The following GPC5 variants were observed in gnomAD, a reference collection of about 807,000 sequenced individuals.
The protein encoded by GPC5 is glypican-5.
A neutral mutation model predicts 53.9 loss-of-function variants in GPC5; 47 were observed. That is an observed-to-expected ratio of 0.87 (90% CI 0.69 to 1.11). GPC5 has a LOEUF of 1.11. GPC5 is among the 50% of genes most tolerant of loss of function. The pLI, the probability that GPC5 is intolerant of heterozygous loss-of-function variation, is 0.00. For synonymous variants in GPC5, 286 were observed against 263.3 expected (o/e 1.09, Z -0.84); for missense variants, 748 against 713.1 (o/e 1.05, Z -0.56).
At chr13:92,741,060 A>T (rs1352251069) in intron 7 of GPC5, among the ~76,000 whole-genome samples, 2 of 150,444 alleles carry the variant, frequency 1.3e-5, no homozygotes, top group African/African-American at 4.9e-5. Flanking sequence ...GTAGGCATTC[A>T]GTAAAATGTT....
At chr13:92,567,509 T>C (rs1420348146) in intron 7 of GPC5, among the ~76,000 whole-genome samples, 3 of 152,170 alleles carry the variant, frequency 2.0e-5, no homozygotes, top group Admixed American at 1.3e-4. Flanking sequence ...ATGCTGTGAA[T>C]CAACTGATGT....
intron 2 of GPC5, among the ~76,000 whole-genome samples, chr13:91,497,137 A>G (rs1884314943): frequency 1.3e-5 from 2 of 152,042 alleles, no homozygotes; most frequent in Admixed American, 1.3e-4. Flanking sequence ...GTTTTTTACT[A>G]TTAAGAAAGA....
At position 91,593,922 on chromosome 13, in the gene GPC5, A is replaced by G. The variant is rs533889061; in HGVS notation, c.326-99265A>G. On this transcript the variant is annotated intron_variant, in intron 2 of 7. Coordinates refer to ENST00000377067, the MANE Select transcript of GPC5 (RefSeq NM_004466.6). ...CTCTCACAAAGAACTAAAAAAAAAA[A>G]AAAAGAATGTTATTTGACAGGTTAA... Among the ~76,000 whole-genome samples, 14 of 152,322 alleles carry G rather than the reference A, an allele frequency of 9.2e-5. No individual in the cohort carries two copies. In the East Asian group the frequency reaches 2.7e-3, roughly 29 times the overall value.
intron 7 of GPC5, among the ~76,000 whole-genome samples, chr13:92,580,501 C>G (rs2139052778): frequency 6.6e-6 from 1 of 152,156 alleles, no homozygotes. Context: ...TCTTGCACTG[C>G]TATAAAGAAA....
chr13:91,562,546 C>T (rs1280972094), intron 2 of GPC5, among the ~76,000 whole-genome samples: 2 of 151,858 alleles, frequency 1.3e-5, no homozygotes, highest in Admixed American at 1.3e-4. Flanking sequence ...TCTCTGCGTC[C>T]CAGGTTTAAG....
intron 5 of GPC5, among the ~76,000 whole-genome samples, chr13:91,902,673 AAAAG>A (rs1228978987): frequency 1.3e-5 from 2 of 152,132 alleles, no homozygotes; most frequent in African/African-American, 2.4e-5. Flanking sequence ...CTTAAAAAGA[AAAAG>A]AAGGAATTAA....
chr13:92,132,009 G>A (rs1186773102), intron 6 of GPC5, among the ~76,000 whole-genome samples: 3 of 152,040 alleles, frequency 2.0e-5, no homozygotes, highest in African/African-American at 7.2e-5. Context: ...ACTCAAAACA[G>A]TTCAATTGTC....
chr13:92,480,576 G>A (rs1879309767), intron 7 of GPC5, among the ~76,000 whole-genome samples: 1 of 152,118 alleles, frequency 6.6e-6, no homozygotes, highest in Admixed American at 6.6e-5. Flanking sequence ...TTGCACTTTG[G>A]AATGGTCTTT....
At chr13:92,166,950 TCTCTCTCACACACACA>T (rs1269053553) in intron 7 of GPC5, among the ~76,000 whole-genome samples, 58 of 57,606 alleles carry the variant, frequency 1.0e-3, no homozygotes, top group African/African-American at 3.0e-3. Context: ...TCTCTCTCTC[TCTCTCTCACACACACA>T]CACACACACA....
intron 7 of GPC5, among the ~76,000 whole-genome samples, chr13:92,244,366 G>C (rs920315184): frequency 1.3e-5 from 2 of 152,112 alleles, no homozygotes; most frequent in African/African-American, 2.4e-5. Context: ...AAATATTAGA[G>C]AGAGTGTAAC....
chr13:92,861,674 T>C (rs1404743790), intron 7 of GPC5, among the ~76,000 whole-genome samples: 11 of 152,160 alleles, frequency 7.2e-5, no homozygotes, highest in Non-Finnish European at 1.5e-5. Context: ...CTCAATTTTG[T>C]TGTGGTGTTT....
intron 7 of GPC5, among the ~76,000 whole-genome samples, chr13:92,657,081 A>G (rs1165129622): frequency 1.3e-5 from 2 of 152,244 alleles, no homozygotes; most frequent in Non-Finnish European, 2.9e-5. Flanking sequence ...TTTTAAGTAA[A>G]TTTTAAAAAT....
At chr13:92,101,258 A>G (rs1004374625) in intron 6 of GPC5, among the ~76,000 whole-genome samples, 5 of 152,156 alleles carry the variant, frequency 3.3e-5, no homozygotes, top group African/African-American at 9.7e-5. Flanking sequence ...AGGGGAATTA[A>G]AATTTTACTA....
chr13:91,409,265 G>C (rs950285606), intron 1 of GPC5, among the ~76,000 whole-genome samples: 1 of 152,126 alleles, frequency 6.6e-6, no homozygotes, highest in South Asian at 2.1e-4. Context: ...ACTCTAGGGG[G>C]AAAAAAGTCA....
chr13:92,680,177 G>A (rs1447562641), intron 7 of GPC5, among the ~76,000 whole-genome samples: 2 of 152,264 alleles, frequency 1.3e-5, no homozygotes, highest in East Asian at 1.9e-4. Flanking sequence ...GCCAGCCTGA[G>A]AAATAATTTC....
chr13:92,010,684 T>A (rs1487894325), intron 6 of GPC5, among the ~76,000 whole-genome samples: 1 of 152,134 alleles, frequency 6.6e-6, no homozygotes, highest in African/African-American at 2.4e-5. Flanking sequence ...TCTGTCTCTC[T>A]CCACCCCCAC....
At chr13:92,807,941 T>C (rs1402908606) in intron 7 of GPC5, among the ~76,000 whole-genome samples, 1 of 152,110 alleles carries the variant, frequency 6.6e-6, no homozygotes, top group Non-Finnish European at 1.5e-5. Flanking sequence ...AAAGCACTGG[T>C]CCATGTAAAT....
chr13:91,981,482 G>GC (rs1405091748), intron 6 of GPC5, among the ~76,000 whole-genome samples: 5 of 152,086 alleles, frequency 3.3e-5, no homozygotes, highest in African/African-American at 1.2e-4. Flanking sequence ...GTACAGACTG[G>GC]GTTTCACCGT....
At chr13:92,864,807 T>C (rs1410660734) in intron 7 of GPC5, among the ~76,000 whole-genome samples, 3 of 152,192 alleles carry the variant, frequency 2.0e-5, no homozygotes, top group Non-Finnish European at 4.4e-5. Context: ...AGCAGAGCTT[T>C]GCTTCGTTTT....
Sources: gnomAD v4.1 joint callset for allele counts (sites outside exome capture counted in the v4.1 genomes callset) on GRCh38, gnomAD v4.1.1 for gene constraint, MANE v1.5 for transcripts, NCBI Gene and HGNC (gene_info 2026-07-23, HGNC 2026-07-21) for gene names.